The following KLF8 variants were observed in gnomAD, a reference collection of about 807,000 sequenced individuals.
The protein encoded by KLF8 is KLF transcription factor 8.
In KLF8, 10 loss-of-function variants were observed where a neutral mutation model predicts 18.2. That is an observed-to-expected ratio of 0.55 (90% confidence interval 0.34 to 0.93). The LOEUF (loss-of-function observed/expected upper bound fraction) is 0.93. Ranked by LOEUF, KLF8 falls within the 40% of genes least tolerant of loss-of-function variation. The probability of loss-of-function intolerance (pLI) is 0.02; values close to 1 mark genes in which losing one functional copy is unlikely to be tolerated. For missense variants in KLF8, 264 were observed against 277.9 expected (o/e 0.95, Z 0.36); for synonymous variants, 109 against 97.3 (o/e 1.12, Z -0.71).
At chrX:56,195,160 CA>C in the KLF8 span, among the ~76,000 whole-genome samples, 1 of 112,243 alleles carries the variant, frequency 8.9e-6, no homozygotes, top group African/African-American at 3.2e-5. Context: ...TTCTAAAAAT[CA>C]GAGTACCTCT....
intron 2 of KLF8, among the ~76,000 whole-genome samples, chrX:56,254,788 C>T (rs755871444): frequency 6.3e-5 from 7 of 111,702 alleles, no homozygotes; most frequent in Admixed American, 4.8e-4. Context: ...TAATCTCCAA[C>T]GTTTAGCTGC....
the KLF8 span, among the ~76,000 whole-genome samples, chrX:55,936,596 AC>A: frequency 1.7e-4 from 19 of 112,924 alleles, no homozygotes; most frequent in Admixed American, 1.7e-3. Context: ...CACGCAGGAA[AC>A]GCAAGGGGTC....
chrX:56,218,560 A>C, the KLF8 span, among the ~76,000 whole-genome samples: 1 of 112,092 alleles, frequency 8.9e-6, no homozygotes, highest in African/African-American at 3.2e-5. Context: ...AGTCAAAGGA[A>C]CCCATCATGT....
At chrX:56,266,325 T>C in intron 3 of KLF8, 6 of 751,192 alleles carry the variant, frequency 8.0e-6, no homozygotes, top group Non-Finnish European at 9.4e-6. Context: ...GTGTTCTTCC[T>C]CATTTGGCAT....
chrX:56,021,562 C>T, the KLF8 span, among the ~76,000 whole-genome samples: 1 of 109,600 alleles, frequency 9.1e-6, no homozygotes, highest in South Asian at 3.9e-4. Flanking sequence ...AATAGATTTC[C>T]AAAGTGGTTA....
chrX:56,177,759 T>C, the KLF8 span, among the ~76,000 whole-genome samples: 1 of 111,512 alleles, frequency 9.0e-6, no homozygotes, highest in Non-Finnish European at 1.9e-5. Context: ...CCCTGTTCTT[T>C]CTTCCCAGCC....
chrX:56,106,325 C>T, the KLF8 span, among the ~76,000 whole-genome samples: 1 of 111,891 alleles, frequency 8.9e-6, no homozygotes, highest in Non-Finnish European at 1.9e-5. Context: ...CCTCTTAGTT[C>T]CATTCTCCCC....
chrX:56,095,140 C>A, the KLF8 span, among the ~76,000 whole-genome samples: 1 of 111,646 alleles, frequency 9.0e-6, no homozygotes. Context: ...ATCCATGGAA[C>A]AGAATAGAGA....
chrX:56,113,518 C>T, the KLF8 span, among the ~76,000 whole-genome samples: 1 of 90,726 alleles, frequency 1.1e-5, no homozygotes, highest in Non-Finnish European at 2.1e-5. Flanking sequence ...CTCCATTTTA[C>T]TATTTCAGTG....
At chrX:56,201,542 C>A in the KLF8 span, among the ~76,000 whole-genome samples, 3 of 111,168 alleles carry the variant, frequency 2.7e-5, no homozygotes, top group Non-Finnish European at 3.8e-5. Context: ...CAGCATAGTG[C>A]TTATACTTAT....
At chrX:56,122,777 C>G in the KLF8 span, among the ~76,000 whole-genome samples, 1 of 110,087 alleles carries the variant, frequency 9.1e-6, no homozygotes, top group South Asian at 3.9e-4. Flanking sequence ...TTAATAGAAA[C>G]GGGGTTTCAC....
At chrX:56,046,893 A>C in the KLF8 span, among the ~76,000 whole-genome samples, 1 of 111,208 alleles carries the variant, frequency 9.0e-6, no homozygotes, top group Non-Finnish European at 1.9e-5. Context: ...TTGAGCTTTT[A>C]TTTGGCTGTC....
the KLF8 span, among the ~76,000 whole-genome samples, chrX:56,132,037 G>A: frequency 9.0e-6 from 1 of 111,503 alleles, no homozygotes; most frequent in Non-Finnish European, 1.9e-5. Flanking sequence ...CACAATAATA[G>A]TGGGGGACTT....
At chrX:56,185,367 G>A in the KLF8 span, among the ~76,000 whole-genome samples, 1 of 112,136 alleles carries the variant, frequency 8.9e-6, no homozygotes, top group African/African-American at 3.2e-5. Flanking sequence ...AGAAATATGG[G>A]ACAATGTGAA....
chrX:56,059,145 G>A, the KLF8 span, among the ~76,000 whole-genome samples: 1 of 112,159 alleles, frequency 8.9e-6, no homozygotes, highest in Non-Finnish European at 1.9e-5. Context: ...CCGCATAAAT[G>A]TCTTATTTGA....
At position 56,285,401 on chromosome X, in the gene KLF8, C is replaced by G. The variant is rs1476455113; in HGVS notation, c.*907C>G. 1.8e-5 allele frequency: 2 copies of G among 111,708 alleles called. No homozygotes were observed. The highest frequency in any genetic ancestry group is 6.5e-5 in the African/African-American group (2 of 30,686). The allele number at this position is 111,708 out of a possible 1,213,427, so 9.2% of individuals were successfully genotyped here. A position where few individuals can be genotyped will look rare whatever the true frequency, so the allele number is the denominator to read the frequency against. On this transcript the variant is annotated 3_prime_UTR_variant, in exon 6 of 6. Transcript: ENST00000468660. ...TTACTTGTATAGGATATCAAAAGTG[C>G]TGTTAATCACAAACCTCATTCAAAT...
At chrX:56,142,060 TTATC>T in the KLF8 span, among the ~76,000 whole-genome samples, 1 of 112,058 alleles carries the variant, frequency 8.9e-6, no homozygotes, top group Non-Finnish European at 1.9e-5. Context: ...AAATTTTTAT[TTATC>T]TATCAGAACT....
rs868075130 is a variant in KLF8, at chrX:56,289,337, C to T, written c.*4843C>T. 5.4e-5 allele frequency among the ~76,000 whole-genome samples: 6 copies of T among 110,568 alleles called. No individual in the cohort carries two copies. In the Middle Eastern group the frequency reaches 0.014, roughly 257 times the overall value. On this transcript the variant is annotated 3_prime_UTR_variant, in exon 6 of 6. Transcript: ENST00000468660. ...ATCTTGTATATTTTGTGGCCTACTC[C>T]TATAATCAGCCATTTCTTCAAGAAG...
the KLF8 span, among the ~76,000 whole-genome samples, chrX:56,022,441 C>T: frequency 2.9e-5 from 3 of 102,934 alleles, no homozygotes; most frequent in Non-Finnish European, 5.8e-5. Flanking sequence ...CCCAGCTACT[C>T]GGGAGGCTGA....
Sources: allele counts gnomAD v4.1 joint callset (sites outside exome capture counted in the v4.1 genomes callset), GRCh38; gene constraint gnomAD v4.1.1; transcripts MANE v1.5; gene names NCBI Gene and HGNC (gene_info 2026-07-23, HGNC 2026-07-21).